Variants in CHN2 observed in about 807,000 individuals in gnomAD.
The protein encoded by CHN2 is beta-chimaerin.
CHN2 carries 35 observed loss-of-function variants against 56.3 expected under a neutral mutation model. The ratio of observed to expected loss-of-function variants is 0.62; its 90% confidence interval spans 0.47 to 0.82. CHN2 has a LOEUF of 0.82. Among genes scored for constraint, CHN2 ranks in the 40% least tolerant of loss-of-function variants. CHN2 has a pLI of 0.00. For synonymous variants in CHN2, 210 were observed against 212.8 expected, an observed-to-expected ratio of 0.99 and a Z score of 0.12; for missense variants, 491 against 580.5, an observed-to-expected ratio of 0.85 and a Z score of 1.58.
At chr7:29,232,990 A>G (rs1786843127) in intron 1 of CHN2, among the ~76,000 whole-genome samples, 1 of 152,216 alleles carries the variant, frequency 6.6e-6, no homozygotes, top group African/African-American at 2.4e-5. Flanking sequence ...TTGAAAATTT[A>G]CATTATTTCA....
At chr7:29,374,930 C>G (rs1244521447) in intron 3 of CHN2, among the ~76,000 whole-genome samples, 1 of 150,762 alleles carries the variant, frequency 6.6e-6, no homozygotes, top group Non-Finnish European at 1.5e-5. Flanking sequence ...CTCGTTGGCC[C>G]AGGCTGGAGT....
At chr7:29,272,860 A>C (rs1479756654) in intron 1 of CHN2, among the ~76,000 whole-genome samples, 13 of 152,202 alleles carry the variant, frequency 8.5e-5, no homozygotes, top group Admixed American at 8.5e-4. Flanking sequence ...ATAGACAGTA[A>C]AATGGTTACA....
chr7:29,273,116 C>A (rs1790796374), intron 1 of CHN2, among the ~76,000 whole-genome samples: 1 of 151,640 alleles, frequency 6.6e-6, no homozygotes, highest in African/African-American at 2.4e-5. Context: ...TTTCTCTCCC[C>A]CACCCTTTAC....
intron 2 of CHN2, among the ~76,000 whole-genome samples, chr7:29,166,156 A>G (rs1795888462): frequency 6.6e-6 from 1 of 151,876 alleles, no homozygotes; most frequent in Non-Finnish European, 1.5e-5. Flanking sequence ...TCACCCTCCC[A>G]AGTAGCTAGG....
intron 2 of CHN2, among the ~76,000 whole-genome samples, chr7:29,175,502 T>G (rs1466651380): frequency 6.6e-6 from 1 of 152,012 alleles, no homozygotes; most frequent in Non-Finnish European, 1.5e-5. Context: ...ATAAGGCATT[T>G]CCCCTTTCAC....
rs142098347 is a variant in CHN2 at position 29,431,622 on chromosome 7, C to T, written c.576+30794C>T. 4.1e-4 allele frequency among the ~76,000 whole-genome samples: 62 copies of T among 152,274 alleles called. No homozygotes were observed. In the East Asian group the frequency reaches 4.6e-3, roughly 11 times the overall value. On this transcript the variant is annotated intron_variant, in intron 6 of 12. Coordinates refer to ENST00000222792, the MANE Select transcript of CHN2 (RefSeq NM_004067.4). ...TGCAACAGAAGAAATACATAAGTGG[C>T]GATATAACTTCTTCTAAACTGTCTG...
At chr7:29,263,100 C>T (rs565677073) in intron 1 of CHN2, among the ~76,000 whole-genome samples, 26 of 152,310 alleles carry the variant, frequency 1.7e-4, no homozygotes, top group Non-Finnish European at 3.4e-4. Context: ...ACTGTACTGC[C>T]GCCATCTCGG....
At chr7:29,313,391 G>A (rs1319937750) in intron 1 of CHN2, among the ~76,000 whole-genome samples, 1 of 152,204 alleles carries the variant, frequency 6.6e-6, no homozygotes, top group Non-Finnish European at 1.5e-5. Flanking sequence ...AGGAACTCTG[G>A]TGTAATGAGA....
intron 1 of CHN2, among the ~76,000 whole-genome samples, chr7:29,331,299 A>T (rs556839206): frequency 6.6e-6 from 1 of 152,254 alleles, no homozygotes; most frequent in African/African-American, 2.4e-5. Context: ...AGAGAGTCTG[A>T]AGCATCTGGG....
At chr7:29,471,349 A>G (rs933473888) in intron 6 of CHN2, among the ~76,000 whole-genome samples, 4 of 152,296 alleles carry the variant, frequency 2.6e-5, no homozygotes, top group Non-Finnish European at 5.9e-5. Flanking sequence ...TTTTATTTCT[A>G]TATCTAAAAA....
chr7:29,330,831 A>C (rs39129), intron 1 of CHN2, among the ~76,000 whole-genome samples: 83,803 of 152,060 alleles, frequency 0.55, 23,161 homozygotes, highest in East Asian at 0.64. Flanking sequence ...CCCGTTGCAT[A>C]CAGTGAGTCC....
chr7:29,222,057 T>C (rs1258844043), intron 1 of CHN2, among the ~76,000 whole-genome samples: 1 of 152,154 alleles, frequency 6.6e-6, no homozygotes, highest in Admixed American at 6.5e-5. Context: ...TGCATTTCTA[T>C]ACACAAATAA....
At chr7:29,282,317 T>TA (rs143717545) in intron 1 of CHN2, among the ~76,000 whole-genome samples, 4,229 of 152,306 alleles carry the variant, frequency 0.028, 202 homozygotes, top group African/African-American at 0.096. Flanking sequence ...GAGTGCCCAC[T>TA]ATGTGCAGGG....
chr7:29,391,976 CTCTT>C (rs968997453), intron 3 of CHN2, among the ~76,000 whole-genome samples: 55 of 152,294 alleles, frequency 3.6e-4, no homozygotes, highest in African/African-American at 1.3e-3. Context: ...AGATTAGTAA[CTCTT>C]TCTCTTTTAG....
intron 1 of CHN2, among the ~76,000 whole-genome samples, chr7:29,315,562 T>C (rs1794897451): frequency 6.6e-6 from 1 of 152,170 alleles, no homozygotes; most frequent in African/African-American, 2.4e-5. Context: ...ACCTCAGCCT[T>C]GTAAAATGCC....
intron 1 of CHN2, among the ~76,000 whole-genome samples, chr7:29,219,063 G>A (rs1360589990): frequency 6.6e-6 from 1 of 152,168 alleles, no homozygotes; most frequent in Non-Finnish European, 1.5e-5. Context: ...GACTGATGCA[G>A]TGCGTATTAT....
intron 1 of CHN2, among the ~76,000 whole-genome samples, chr7:29,200,475 TCC>T (rs1223230192): frequency 2.2e-5 from 1 of 44,508 alleles, no homozygotes; most frequent in Non-Finnish European, 4.4e-5. Context: ...CCTCCCCCCT[TCC>T]CCCCCCCTTT....
chr7:29,359,054 A>G (rs1432289260), intron 2 of CHN2, among the ~76,000 whole-genome samples: 2 of 152,216 alleles, frequency 1.3e-5, no homozygotes, highest in Non-Finnish European at 2.9e-5. Flanking sequence ...GCAACAGGCA[A>G]AGAGACAGTC....
intron 6 of CHN2, among the ~76,000 whole-genome samples, chr7:29,431,370 TC>T (rs1782851698): frequency 6.6e-6 from 1 of 152,158 alleles, no homozygotes; most frequent in Non-Finnish European, 1.5e-5. Flanking sequence ...ACGGCTAACT[TC>T]GGGAGGGTGC....
Sources: allele counts gnomAD v4.1 joint callset (sites outside exome capture counted in the v4.1 genomes callset), GRCh38; gene constraint gnomAD v4.1.1; transcripts MANE v1.5; gene names NCBI Gene and HGNC (gene_info 2026-07-23, HGNC 2026-07-21).